Variants in KCNJ6 observed in about 807,000 individuals in gnomAD.
KCNJ6 encodes the protein G protein-activated inward rectifier potassium channel 2.
In KCNJ6, 9 loss-of-function variants were observed where a neutral mutation model predicts 34.2. That is an observed-to-expected ratio of 0.26 (90% CI 0.16 to 0.46). The LOEUF (loss-of-function observed/expected upper bound fraction) is 0.46. Among genes scored for constraint, KCNJ6 ranks in the 20% least tolerant of loss-of-function variants. The pLI is 1.00. For missense variants in KCNJ6, 236 were observed against 531.3 expected, an observed-to-expected ratio of 0.44 and a Z score of 5.46; for synonymous variants, 196 against 207.1, an observed-to-expected ratio of 0.95 and a Z score of 0.46.
intron 1 of KCNJ6, among the ~76,000 whole-genome samples, chr21:37,894,767 G>C (rs1029917948): frequency 2.6e-5 from 4 of 152,102 alleles, no homozygotes; most frequent in African/African-American, 9.7e-5. Context: ...GCTGCTTTTA[G>C]GTCCCCTCTA....
At chr21:37,655,226 A>T (rs4571137) in intron 3 of KCNJ6, among the ~76,000 whole-genome samples, 1,374 of 4,386 alleles carry the variant, frequency 0.31, 19 homozygotes, top group African/African-American at 0.44. Flanking sequence ...TGTGTGTGTG[A>T]GAGAGAGAGA....
intron 2 of KCNJ6, among the ~76,000 whole-genome samples, chr21:37,732,387 G>C (rs2054890021): frequency 6.6e-6 from 1 of 152,150 alleles, no homozygotes; most frequent in South Asian, 2.1e-4. Flanking sequence ...TCTTGAAGAG[G>C]GGCAGAGAGA....
chr21:37,763,707 C>A (rs1301042723), intron 2 of KCNJ6, among the ~76,000 whole-genome samples: 2 of 152,106 alleles, frequency 1.3e-5, no homozygotes, highest in African/African-American at 4.8e-5. Flanking sequence ...GTGATGTTCC[C>A]CACCCTGTGT....
chr21:37,767,359 A>G (rs763941), intron 2 of KCNJ6, among the ~76,000 whole-genome samples: 13,232 of 152,262 alleles, frequency 0.087, 637 homozygotes, highest in African/African-American at 0.13. Context: ...AAGGGTCAAA[A>G]GGACAGTAGA....
At chr21:37,821,636 A>T (rs1436832162) in intron 2 of KCNJ6, among the ~76,000 whole-genome samples, 1 of 152,122 alleles carries the variant, frequency 6.6e-6, no homozygotes, top group Non-Finnish European at 1.5e-5. Flanking sequence ...AATCTTTGTT[A>T]TCAGTCGTCC....
At chr21:37,844,446 A>G (rs911223366) in intron 1 of KCNJ6, among the ~76,000 whole-genome samples, 2 of 152,122 alleles carry the variant, frequency 1.3e-5, no homozygotes, top group African/African-American at 4.8e-5. Context: ...AGCCTCAGCT[A>G]CAACCCTGAA....
At chr21:37,769,231 T>C (rs1011184351) in intron 2 of KCNJ6, among the ~76,000 whole-genome samples, 1 of 152,040 alleles carries the variant, frequency 6.6e-6, no homozygotes, top group African/African-American at 2.4e-5. Context: ...AACTGAACTC[T>C]CTTCTCCGCC....
intron 2 of KCNJ6, among the ~76,000 whole-genome samples, chr21:37,720,455 T>C (rs1368465649): frequency 1.4e-5 from 2 of 144,552 alleles, no homozygotes; most frequent in Non-Finnish European, 3.1e-5. Context: ...GTGAAACCTA[T>C]AGGACAAGTC....
intron 3 of KCNJ6, among the ~76,000 whole-genome samples, chr21:37,710,235 G>T (rs1205364770): frequency 6.6e-6 from 1 of 152,196 alleles, no homozygotes; most frequent in African/African-American, 2.4e-5. Flanking sequence ...GTAGATGTTG[G>T]ATCTTAATTT....
chr21:37,909,899 C>T (rs1371026993), intron 1 of KCNJ6, among the ~76,000 whole-genome samples: 3 of 152,176 alleles, frequency 2.0e-5, no homozygotes, highest in Admixed American at 6.5e-5. Context: ...TGCAGTGCTT[C>T]ACTGTGGGAG....
chr21:37,714,182 CAGCCATCCCAG>C lies in KCNJ6; in HGVS notation c.946+18_946+28del. Reference sequence around the variant, plus strand: ...CAGTTTAAAATGAGCATCTATCCCACAGCCATCCCAGGATAGAACACATCTTACCTGTGGCT... The same window carrying C: ...CAGTTTAAAATGAGCATCTATCCCACGATAGAACACATCTTACCTGTGGCT... On this transcript the variant is annotated intron_variant, in intron 3 of 3. Transcript: ENST00000609713. The surrounding 1 kb of genome is among the most constrained non-coding windows in gnomAD (Gnocchi z 5.9). 3.3e-6 allele frequency: 5 copies of C among 1,505,736 alleles called. No individual in the cohort carries two copies. Among genetic ancestry groups the C allele is most frequent in the Non-Finnish European group, 4.6e-6 (5 of 1,090,334 alleles). 93.3% of individuals were successfully genotyped at this position (1,505,736 alleles called of 1,614,324 possible).
intron 2 of KCNJ6, among the ~76,000 whole-genome samples, chr21:37,774,820 G>A (rs2055134536): frequency 6.6e-6 from 1 of 152,214 alleles, no homozygotes; most frequent in Non-Finnish European, 1.5e-5. Context: ...ACATGTGCAT[G>A]TGTCTTTATA....
chr21:37,722,447 T>C (rs982241464), intron 2 of KCNJ6, among the ~76,000 whole-genome samples: 2 of 152,192 alleles, frequency 1.3e-5, no homozygotes, highest in African/African-American at 4.8e-5. Flanking sequence ...TGTTCTAAAA[T>C]TCATATGGAA....
chr21:37,814,052 T>C (rs879178952), intron 2 of KCNJ6, among the ~76,000 whole-genome samples: 1 of 152,194 alleles, frequency 6.6e-6, no homozygotes. Flanking sequence ...CAAACAATTC[T>C]ATAGGAAAAC....
rs180760835 is a variant in KCNJ6, at chr21:37,874,167, A to G, written c.-27-33458T>C. ...TGGGCCCGCAGTAGCACCCAGCCCAATGGATGTCATCACTGGGGGAGGAGG... is the reference window on the plus strand; with the variant it reads ...TGGGCCCGCAGTAGCACCCAGCCCAGTGGATGTCATCACTGGGGGAGGAGG... On this transcript the variant is annotated intron_variant, in intron 1 of 3. Transcript: ENST00000609713. Among the ~76,000 whole-genome samples, 738 of 152,264 alleles carry G rather than the reference A, an allele frequency of 4.8e-3. 5 individuals are homozygous for G. Among genetic ancestry groups the G allele is most frequent in the South Asian group, 0.012 (59 of 4,814 alleles).
Position 37,852,896 on chromosome 21 carries a change from C to T in KCNJ6, c.-27-12187G>A, listed in dbSNP as rs73904475. On this transcript the variant is annotated intron_variant, in intron 1 of 3. Coordinates refer to ENST00000609713, the MANE Select transcript of KCNJ6 (RefSeq NM_002240.5). ...TAATAACTGAAATAAAAAACTCAAT[C>T]GATGGGCTGAACAGCAGGGTGGGTA... is the stretch of plus-strand genomic sequence containing the variant. Among the ~76,000 whole-genome samples, 352 of 152,020 alleles carry T rather than the reference C, an allele frequency of 2.3e-3. 3 individuals carry two copies. Among genetic ancestry groups the T allele is most frequent in the African/African-American group, 8.1e-3 (335 of 41,506 alleles).
At chr21:37,653,631 G>A (rs1253408684) in intron 3 of KCNJ6, among the ~76,000 whole-genome samples, 1 of 152,194 alleles carries the variant, frequency 6.6e-6, no homozygotes, top group South Asian at 2.1e-4. Context: ...ATTCCACAGT[G>A]CATGGTATTA....
intron 2 of KCNJ6, among the ~76,000 whole-genome samples, chr21:37,796,355 T>C (rs2055242052): frequency 6.6e-6 from 1 of 152,160 alleles, no homozygotes; most frequent in South Asian, 2.1e-4. Flanking sequence ...ATCAACCCCG[T>C]GAGCCCAAGG....
At chr21:37,853,846 G>GTGTATATATATATATATATATATA (rs71198897) in intron 1 of KCNJ6, among the ~76,000 whole-genome samples, 4,306 of 115,542 alleles carry the variant, frequency 0.037, 185 homozygotes, top group East Asian at 0.082. Flanking sequence ...ATATATATAT[G>GTGTATATATATATATATATATATA]TATATATATA....
Sources: gnomAD v4.1 joint callset for allele counts (sites outside exome capture counted in the v4.1 genomes callset) on GRCh38, gnomAD v4.1.1 for gene constraint, Gnocchi (gnomAD v3.1) non-coding constraint, MANE v1.5 for transcripts, NCBI Gene and HGNC (gene_info 2026-07-23, HGNC 2026-07-21) for gene names.